ASIC2: variants seen among roughly 807,000 people sequenced by gnomAD.
ASIC2 encodes the protein acid sensing ion channel subunit 2.
A neutral mutation model predicts 57.3 loss-of-function variants in ASIC2; 25 were observed. The observed-to-expected ratio is 0.44, with a 90% CI of 0.32 to 0.61. The LOEUF (loss-of-function observed/expected upper bound fraction) is 0.61, where lower values mean the gene tolerates loss of function less well. ASIC2 is among the 20% of genes least tolerant of loss of function. The pLI, the probability that ASIC2 is intolerant of heterozygous loss-of-function variation, is 0.06. For missense variants in ASIC2, 641 were observed against 738.1 expected, an observed-to-expected ratio of 0.87 and a Z score of 1.52; for synonymous variants, 319 against 307.5, an observed-to-expected ratio of 1.04 and a Z score of -0.39.
At chr17:33,512,802 G>C (rs760881048) in intron 1 of ASIC2, among the ~76,000 whole-genome samples, 9 of 152,306 alleles carry the variant, frequency 5.9e-5, no homozygotes, top group Non-Finnish European at 1.2e-4. Context: ...CCAGCAAAAG[G>C]CCTGTCAATA....
intron 1 of ASIC2, among the ~76,000 whole-genome samples, chr17:33,957,447 C>A (rs753215250): frequency 1.3e-5 from 2 of 152,126 alleles, no homozygotes; most frequent in Non-Finnish European, 2.9e-5. Context: ...AGGTTTAATG[C>A]ACTCACAGTT....
chr17:33,525,386 G>A (rs935103820), intron 1 of ASIC2, among the ~76,000 whole-genome samples: 1 of 152,154 alleles, frequency 6.6e-6, no homozygotes, highest in Non-Finnish European at 1.5e-5. Flanking sequence ...ACCACCCCTT[G>A]GAAATATCTA....
intron 1 of ASIC2, among the ~76,000 whole-genome samples, chr17:33,459,017 G>A (rs190550856): frequency 1.3e-5 from 2 of 151,888 alleles, no homozygotes; most frequent in African/African-American, 2.4e-5. Context: ...ATAGACAACG[G>A]GGCTCTTCTG....
chr17:34,117,067 T>C (rs1911448329), intron 1 of ASIC2, among the ~76,000 whole-genome samples: 1 of 152,192 alleles, frequency 6.6e-6, no homozygotes, highest in African/African-American at 2.4e-5. Context: ...ATATGGAAAG[T>C]GTGCACACAC....
chr17:34,109,014 CTTTT>C (rs1207334034), intron 1 of ASIC2, among the ~76,000 whole-genome samples: 1 of 147,378 alleles, frequency 6.8e-6, no homozygotes. Flanking sequence ...TGTCTATTTT[CTTTT>C]TTTATTTGTT....
chr17:33,476,255 G>A (rs12600538), intron 1 of ASIC2, among the ~76,000 whole-genome samples: 41,355 of 151,868 alleles, frequency 0.27, 5,733 homozygotes, highest in South Asian at 0.32. Flanking sequence ...CACCATCACT[G>A]CGACCTCCAC....
At chr17:33,610,408 C>T (rs370917857) in intron 1 of ASIC2, among the ~76,000 whole-genome samples, 16 of 152,304 alleles carry the variant, frequency 1.1e-4, no homozygotes, top group East Asian at 9.7e-4. Flanking sequence ...CTGCCCGCCT[C>T]GGCCTCCCAA....
intron 1 of ASIC2, among the ~76,000 whole-genome samples, chr17:33,363,075 C>A (rs374464618): frequency 6.6e-6 from 1 of 152,156 alleles, no homozygotes; most frequent in Non-Finnish European, 1.5e-5. Flanking sequence ...TGGGCCCCAA[C>A]AGCACTTTTT....
intron 1 of ASIC2, among the ~76,000 whole-genome samples, chr17:34,104,043 G>A (rs1910958138): frequency 6.6e-6 from 1 of 152,092 alleles, no homozygotes; most frequent in African/African-American, 2.4e-5. Flanking sequence ...ATCGCTGTGG[G>A]AAGGTTTGAC....
intron 1 of ASIC2, among the ~76,000 whole-genome samples, chr17:33,497,127 A>G (rs1357150351): frequency 6.6e-6 from 1 of 152,196 alleles, no homozygotes; most frequent in African/African-American, 2.4e-5. Flanking sequence ...CCCAAGTCAA[A>G]ATAGGTAGTG....
At chr17:33,244,636 C>T (rs1235387596) in intron 1 of ASIC2, among the ~76,000 whole-genome samples, 1 of 152,208 alleles carries the variant, frequency 6.6e-6, no homozygotes, top group Non-Finnish European at 1.5e-5. Flanking sequence ...GCTGTCATTC[C>T]CTAAGAGTGG....
chr17:33,900,767 AG>A (rs1915215924), intron 1 of ASIC2, among the ~76,000 whole-genome samples: 2 of 152,178 alleles, frequency 1.3e-5, no homozygotes, highest in Non-Finnish European at 2.9e-5. Context: ...TCTAGGGAAG[AG>A]GGTGGGGGCT....
chr17:33,455,615 C>CT (rs1303187590), intron 1 of ASIC2, among the ~76,000 whole-genome samples: 11 of 152,128 alleles, frequency 7.2e-5, no homozygotes, highest in Non-Finnish European at 1.3e-4. Context: ...TAGTGTGCAC[C>CT]TTTTTAGATA....
At chr17:33,778,867 C>A (rs994089825) in intron 1 of ASIC2, among the ~76,000 whole-genome samples, 2 of 152,168 alleles carry the variant, frequency 1.3e-5, no homozygotes, top group Non-Finnish European at 2.9e-5. Flanking sequence ...ACCAAGCTGG[C>A]CCCTACTGGG....
chr17:33,383,947 A>G (rs1423314866), intron 1 of ASIC2, among the ~76,000 whole-genome samples: 1 of 152,218 alleles, frequency 6.6e-6, no homozygotes, highest in African/African-American at 2.4e-5. Context: ...CTCAGGAGTG[A>G]GTTAAACACA....
In ASIC2 at chr17:33,867,383, T is replaced by C. The variant is rs147311901; in HGVS notation, c.555+288595A>G. 4.0e-4 allele frequency among the ~76,000 whole-genome samples: 61 copies of C among 152,284 alleles called. 1 individual carries two copies. In the East Asian group the frequency reaches 9.2e-3, roughly 23 times the overall value. On this transcript the variant is annotated intron_variant, in intron 1 of 9. Coordinates refer to the ASIC2 transcript ENST00000359872. The stretch of plus-strand genomic sequence containing the variant: ...GAATTTTCACAATAACTAGATATAT[T>C]TATTATTCTTCCCTGTTTCTCAGAT...
intron 1 of ASIC2, among the ~76,000 whole-genome samples, chr17:33,894,112 G>A (rs1915029593): frequency 1.3e-5 from 2 of 152,320 alleles, no homozygotes; most frequent in African/African-American, 4.8e-5. Context: ...CTGGGGAATG[G>A]AAAATATTTT....
chr17:33,266,941 C>T (rs1909486509), intron 1 of ASIC2, among the ~76,000 whole-genome samples: 1 of 152,142 alleles, frequency 6.6e-6, no homozygotes, highest in South Asian at 2.1e-4. Flanking sequence ...ATTCGGGTGA[C>T]ACAACGATTT....
intron 1 of ASIC2, among the ~76,000 whole-genome samples, chr17:33,484,555 C>T (rs953761038): frequency 4.6e-5 from 7 of 152,120 alleles, no homozygotes; most frequent in African/African-American, 1.7e-4. Context: ...AACCAGTTAC[C>T]AATAAAACAA....
Sources: allele counts gnomAD v4.1 joint callset (sites outside exome capture counted in the v4.1 genomes callset), GRCh38; gene constraint gnomAD v4.1.1; transcripts MANE v1.5; gene names NCBI Gene and HGNC (gene_info 2026-07-23, HGNC 2026-07-21).